The following TF variants were observed in gnomAD, a reference collection of about 807,000 sequenced individuals.
TF encodes transferrin.
TF carries 55 observed loss-of-function variants against 82.4 expected under a neutral mutation model. The observed-to-expected ratio is 0.67, with a 90% CI of 0.54 to 0.84. The LOEUF (loss-of-function observed/expected upper bound fraction) is 0.84. TF is among the 40% of genes least tolerant of loss of function. TF has a pLI of 0.00. For synonymous variants in TF, 332 were observed against 332.6 expected (o/e 1.00, Z 0.02); for missense variants, 737 against 868.4 (o/e 0.85, Z 1.90).
In TF at chr3:133,780,835, A is replaced by AAACCC. The variant is rs1013362468; in HGVS notation, c.*2216_*2220dup. 2.0e-5 allele frequency: 3 copies of AAACCC among 152,032 alleles called. No homozygotes were observed. Among genetic ancestry groups the AAACCC allele is most frequent in the African/African-American group, 7.3e-5 (3 of 41,346 alleles). 9.4% of individuals were successfully genotyped at this position (152,032 alleles called of 1,614,324 possible). ...CAAGACCAGCCTGGCCAACATGGCG[A>AAACCC]AACCCCATCTCTTCTAAAAATACAA... On this transcript the variant is annotated 3_prime_UTR_variant, in exon 17 of 17. Coordinates refer to ENST00000402696, the MANE Select transcript of TF (RefSeq NM_001063.4).
chr3:133,753,648 C>A lies in TF; in HGVS notation c.270C>A (p.Tyr90Ter), dbSNP rs1348865681. Reference protein sequence around the residue: ...TLDAGLVYDAYLAPNNLKPVV... With the variant: ...TLDAGLVYDA ...ATGCAGGTTTGGTGTATGATGCTTACCTGGCTCCCAATAACCTGAAGCCTG... is the reference window on the plus strand; with the variant it reads ...ATGCAGGTTTGGTGTATGATGCTTAACTGGCTCCCAATAACCTGAAGCCTG... The change falls in exon 3 of 17, where the codon TAC (tyrosine) becomes TAA (stop). Residue 90 changes from tyrosine to a stop codon, truncating the protein, a stop_gained. Transcript: ENST00000402696. LOFTEE classifies it high-confidence loss of function. 1 of 1,614,194 alleles carries A rather than the reference C, an allele frequency of 6.2e-7. No individual in the cohort carries two copies. Among genetic ancestry groups the A allele is most frequent in the Admixed American group, 1.7e-5 (1 of 60,032 alleles).
the TF span, among the ~76,000 whole-genome samples, chr3:133,664,297 A>G: frequency 6.6e-6 from 1 of 152,166 alleles, no homozygotes; most frequent in Non-Finnish European, 1.5e-5. Flanking sequence ...TACCTTATAT[A>G]TAACCTGTGC....
chr3:133,777,294 G>C, intron 16 of TF, 56 bp downstream of exon 16: 2 of 1,574,750 alleles, frequency 1.3e-6, no homozygotes, highest in Non-Finnish European at 1.7e-6. Context: ...GTGAGTGCTG[G>C]GATGGTGGGT....
the TF span, among the ~76,000 whole-genome samples, chr3:133,719,886 T>C: frequency 6.6e-6 from 1 of 152,194 alleles, no homozygotes; most frequent in Non-Finnish European, 1.5e-5. Context: ...GGAATTATTT[T>C]CTTGATTTCT....
At chr3:133,663,438 G>A in the TF span, among the ~76,000 whole-genome samples, 1 of 148,562 alleles carries the variant, frequency 6.7e-6, no homozygotes, top group Non-Finnish European at 1.5e-5. Context: ...CTGGGGGAAG[G>A]GTGAAGAAAG....
At chr3:133,746,555 C>G in intron 1 of TF, 72 bp downstream of exon 1, 1 of 1,513,592 alleles carries the variant, frequency 6.6e-7, no homozygotes. Context: ...GCGGCCACCG[C>G]GCAGCCTGCA....
chr3:133,756,785 C>T, intron 6 of TF, 46 bp from the exon 7 acceptor site: 1 of 1,611,212 alleles, frequency 6.2e-7, no homozygotes, highest in Non-Finnish European at 8.5e-7. Flanking sequence ...GGCACCACAG[C>T]CCATGGCTCT....
intron 4 of TF, 145 bp from the exon 5 acceptor site, chr3:133,755,218 T>G: frequency 2.1e-6 from 2 of 973,986 alleles, no homozygotes; most frequent in Non-Finnish European, 1.6e-6. Context: ...TTGATCTTGA[T>G]GAGTTAGCAT....
At chr3:133,720,291 C>A in the TF span, among the ~76,000 whole-genome samples, 2 of 152,038 alleles carry the variant, frequency 1.3e-5, no homozygotes, top group East Asian at 3.8e-4. Context: ...TTAATTTGTT[C>A]AGTTTTTATC....
chr3:133,693,439 C>A, the TF span, among the ~76,000 whole-genome samples: 1 of 152,216 alleles, frequency 6.6e-6, no homozygotes, highest in Admixed American at 6.5e-5. Context: ...ATGGCCAGAT[C>A]TTTTTGAACT....
At chr3:133,679,470 T>A in the TF span, among the ~76,000 whole-genome samples, 1 of 151,998 alleles carries the variant, frequency 6.6e-6, no homozygotes, top group East Asian at 1.9e-4. Context: ...ACCCGCAAAA[T>A]GCCCCCAGTC....
chr3:133,679,162 C>T, the TF span, among the ~76,000 whole-genome samples: 1 of 152,116 alleles, frequency 6.6e-6, no homozygotes, highest in Non-Finnish European at 1.5e-5. Flanking sequence ...TGAGCCACCA[C>T]ACCCGGCCAG....
intron 9 of TF, chr3:133,760,275 T>C (rs1031248752): frequency 2.0e-5 from 3 of 152,446 alleles, no homozygotes; most frequent in African/African-American, 7.2e-5. Context: ...TGCTGAAATA[T>C]GTTAATTCTA....
the TF span, among the ~76,000 whole-genome samples, chr3:133,725,744 A>T: frequency 2.6e-5 from 4 of 152,198 alleles, no homozygotes; most frequent in East Asian, 1.9e-4. Context: ...CAGTTTTCAA[A>T]AGGAATGCTT....
the TF span, among the ~76,000 whole-genome samples, chr3:133,735,635 GCACGAGAACTTTGTGAAGCATA>G: frequency 6.6e-6 from 1 of 152,168 alleles, no homozygotes; most frequent in African/African-American, 2.4e-5. Context: ...CTGAAAAACA[GCACGAGAACTTTGTGAAGCATA>G]CACAAATACC....
chr3:133,770,585 G>C lies in TF; in HGVS notation c.1687+13G>C, dbSNP rs1409696000. 1 of 1,613,944 alleles carries C rather than the reference G, an allele frequency of 6.2e-7. No homozygotes were observed. Among genetic ancestry groups the C allele is most frequent in the South Asian group, 1.1e-5 (1 of 91,072 alleles). ...CAGAACACTGGGGGTAAGTGCACCT[G>C]CTCCTCTGTCCCCCTAGATCACTAG... is the stretch of plus-strand genomic sequence containing the variant. On this transcript the variant is annotated intron_variant, in intron 14 of 16. Transcript: ENST00000402696.
chr3:133,768,284 T>G, intron 13 of TF, 120 bp downstream of exon 13: 1 of 1,368,600 alleles, frequency 7.3e-7, no homozygotes, highest in African/African-American at 1.5e-5. Context: ...ATTAAGAGAG[T>G]ATATTTCACA....
chr3:133,690,518 A>G, the TF span, among the ~76,000 whole-genome samples: 1 of 152,252 alleles, frequency 6.6e-6, no homozygotes, highest in African/African-American at 2.4e-5. Context: ...ACATTTCTAT[A>G]TCATTTCTGG....
the TF span, among the ~76,000 whole-genome samples, chr3:133,697,050 T>TG: frequency 6.6e-6 from 1 of 152,230 alleles, no homozygotes; most frequent in African/African-American, 2.4e-5. Flanking sequence ...TCCCAGTTCC[T>TG]TACAACTTAA....
Sources: gnomAD v4.1 joint callset for allele counts (sites outside exome capture counted in the v4.1 genomes callset) on GRCh38, gnomAD v4.1.1 for gene constraint, MANE v1.5 for transcripts, NCBI Gene and HGNC (gene_info 2026-07-23, HGNC 2026-07-21) for gene names.